SLC16A2: variants seen among roughly 807,000 people sequenced by gnomAD.
SLC16A2 encodes the protein monocarboxylate transporter 8.
SLC16A2 carries 3 observed loss-of-function variants against 27.2 expected under a neutral mutation model. The observed-to-expected ratio is 0.11, with a 90% confidence interval of 0.05 to 0.28. SLC16A2 has a LOEUF of 0.28. Among genes scored for constraint, SLC16A2 ranks in the 10% least tolerant of loss-of-function variants. The probability of loss-of-function intolerance (pLI) is 1.00; values close to 1 mark genes in which losing one functional copy is unlikely to be tolerated. For synonymous variants in SLC16A2, 202 were observed against 187.8 expected, an observed-to-expected ratio of 1.08 and a Z score of -0.62; for missense variants, 295 against 458.5, an observed-to-expected ratio of 0.64 and a Z score of 3.26.
chrX:74,437,438 A>C lies in SLC16A2; in HGVS notation c.430+15371A>C, dbSNP rs187126013. ...GACTTCAGTTCAGTGTTCCCGGAAA[A>C]CTTGGAGTCACTATCAGTATCTTCA... On this transcript the variant is annotated intron_variant, in intron 1 of 5. Transcript: ENST00000587091. Among the ~76,000 whole-genome samples the C allele has an allele frequency of 2.1e-4, 24 of 111,922 alleles. No individual in the cohort carries two copies. In the East Asian group the frequency reaches 6.2e-3, roughly 29 times the overall value.
chrX:74,492,763 TG>T, intron 1 of SLC16A2, among the ~76,000 whole-genome samples: 1 of 111,391 alleles, frequency 9.0e-6, no homozygotes. Context: ...CAGCTAAGCC[TG>T]GGGGCAAACA....
intron 1 of SLC16A2, among the ~76,000 whole-genome samples, chrX:74,429,309 A>C (rs1422345581): frequency 1.8e-5 from 2 of 111,210 alleles, no homozygotes; most frequent in Admixed American, 1.9e-4. Flanking sequence ...CTCTACAAAA[A>C]AAATTTTTAA....
chrX:74,488,857 T>C (rs1489034273), intron 1 of SLC16A2, among the ~76,000 whole-genome samples: 1 of 111,835 alleles, frequency 8.9e-6, no homozygotes, highest in African/African-American at 3.2e-5. Context: ...CTGGTTCCTT[T>C]TACCTTGTTT....
chrX:74,472,953 G>T, intron 1 of SLC16A2: 1 of 415,450 alleles, frequency 2.4e-6, no homozygotes, highest in South Asian at 2.7e-5. Context: ...CAAATCTGTT[G>T]TAACCTGTAG....
intron 1 of SLC16A2, chrX:74,473,952 A>G: frequency 2.9e-6 from 1 of 347,800 alleles, no homozygotes; most frequent in South Asian, 6.0e-5. Flanking sequence ...TGACTTAGAC[A>G]CGATGGCAGA....
chrX:74,527,465 C>T (rs1930501594), intron 4 of SLC16A2, among the ~76,000 whole-genome samples: 1 of 112,015 alleles, frequency 8.9e-6, no homozygotes, highest in East Asian at 2.8e-4. Flanking sequence ...GGGGAGGAAA[C>T]GAGTGTACAC....
intron 1 of SLC16A2, among the ~76,000 whole-genome samples, chrX:74,482,132 T>C (rs1385358105): frequency 9.0e-6 from 1 of 111,466 alleles, no homozygotes; most frequent in African/African-American, 3.3e-5. Flanking sequence ...TCTATGTCTT[T>C]TAGCTTCTAT....
chrX:74,422,175 C>A, intron 1 of SLC16A2, 108 bp downstream of exon 1: 1 of 788,381 alleles, frequency 1.3e-6, no homozygotes, highest in Non-Finnish European at 1.9e-6. Context: ...CGCGCCTCTC[C>A]GACTCCTCCC....
chrX:74,426,720 T>C (rs1928408071), intron 1 of SLC16A2, among the ~76,000 whole-genome samples: 1 of 112,595 alleles, frequency 8.9e-6, no homozygotes, highest in African/African-American at 3.2e-5. Flanking sequence ...CCTTCTAAAA[T>C]TATGTGATAT....
At chrX:74,428,661 T>C (rs1928467822) in intron 1 of SLC16A2, among the ~76,000 whole-genome samples, 1 of 110,381 alleles carries the variant, frequency 9.1e-6, no homozygotes, top group Admixed American at 9.7e-5. Context: ...CTTTCCACTT[T>C]CTGGGTGAAG....
chrX:74,435,555 T>TTGTATATATATATATA (rs1928619067), intron 1 of SLC16A2, among the ~76,000 whole-genome samples: 1 of 32,948 alleles, frequency 3.0e-5, no homozygotes, highest in East Asian at 6.0e-4. Context: ...ATATATATAT[T>TTGTATATATATATATA]TTTTTTTTTT....
chrX:74,480,601 G>A (rs770415951), intron 1 of SLC16A2, among the ~76,000 whole-genome samples: 5 of 112,444 alleles, frequency 4.4e-5, no homozygotes, highest in Non-Finnish European at 7.5e-5. Context: ...GACTGGAGTT[G>A]TTCCTATTCA....
At chrX:74,503,630 G>A (rs766942324) in intron 1 of SLC16A2, among the ~76,000 whole-genome samples, 2 of 111,912 alleles carry the variant, frequency 1.8e-5, no homozygotes, top group South Asian at 3.8e-4. Flanking sequence ...GGGAAATAAC[G>A]TTAGATGGAG....
chrX:74,448,868 G>C (rs1397687376), intron 1 of SLC16A2, among the ~76,000 whole-genome samples: 2 of 111,175 alleles, frequency 1.8e-5, no homozygotes, highest in African/African-American at 6.5e-5. Context: ...CAGCGATAAT[G>C]ACATGCTTTG....
chrX:74,520,500 T>C (rs765957838), intron 1 of SLC16A2, among the ~76,000 whole-genome samples: 28 of 111,697 alleles, frequency 2.5e-4, no homozygotes, highest in African/African-American at 8.8e-4. Context: ...ATGACGGATT[T>C]CAGCATGAGG....
At chrX:74,480,766 CA>C (rs1238543432) in intron 1 of SLC16A2, among the ~76,000 whole-genome samples, 1 of 112,250 alleles carries the variant, frequency 8.9e-6, no homozygotes, top group African/African-American at 3.2e-5. Context: ...ACCTCAAGTA[CA>C]ATGCTGAATA....
intron 1 of SLC16A2, among the ~76,000 whole-genome samples, chrX:74,440,762 T>C (rs1391030323): frequency 1.9e-5 from 2 of 107,650 alleles, no homozygotes; most frequent in African/African-American, 3.4e-5. Context: ...GGTGTGGATG[T>C]GTGTGGACGT....
chrX:74,475,202 G>C (rs1205950120), intron 1 of SLC16A2, among the ~76,000 whole-genome samples: 3 of 108,318 alleles, frequency 2.8e-5, no homozygotes, highest in South Asian at 4.0e-4. Flanking sequence ...TCTCATTGTG[G>C]TTTTGATTTG....
chrX:74,432,423 A>C (rs1247563550), intron 1 of SLC16A2, among the ~76,000 whole-genome samples: 1 of 111,641 alleles, frequency 9.0e-6, no homozygotes, highest in South Asian at 3.8e-4. Flanking sequence ...GGTTTTGATT[A>C]AGCATTTCAA....
Sources: gnomAD v4.1 joint callset for allele counts (sites outside exome capture counted in the v4.1 genomes callset) on GRCh38, gnomAD v4.1.1 for gene constraint, MANE v1.5 for transcripts, NCBI Gene and HGNC (gene_info 2026-07-23, HGNC 2026-07-21) for gene names.